Variants in KCNIP4 observed in about 807,000 individuals in gnomAD.
The protein encoded by KCNIP4 is Kv channel-interacting protein 4.
Under a neutral mutation model 34.0 loss-of-function variants are expected in KCNIP4, and 12 were observed. The observed-to-expected ratio is 0.35, with a 90% CI of 0.23 to 0.57. The LOEUF (loss-of-function observed/expected upper bound fraction) is 0.57, where lower values mean the gene tolerates loss of function less well. KCNIP4 is among the 20% of genes least tolerant of loss of function. The probability of loss-of-function intolerance (pLI) is 0.83; values close to 1 mark genes in which losing one functional copy is unlikely to be tolerated. For synonymous variants in KCNIP4, 124 were observed against 102.2 expected (o/e 1.21, Z -1.29); for missense variants, 238 against 311.7 (o/e 0.76, Z 1.78).
At chr4:21,421,407 T>C (rs896427708) in intron 1 of KCNIP4, among the ~76,000 whole-genome samples, 1 of 152,168 alleles carries the variant, frequency 6.6e-6, no homozygotes, top group African/African-American at 2.4e-5. Flanking sequence ...AAAGAAAATG[T>C]GGTATATATA....
At chr4:21,042,782 C>T (rs2149781575) in intron 1 of KCNIP4, among the ~76,000 whole-genome samples, 1 of 152,118 alleles carries the variant, frequency 6.6e-6, no homozygotes, top group South Asian at 2.1e-4. Context: ...CATGTTGTAC[C>T]CCGTAAGTAT....
chr4:21,153,792 A>G (rs1752944141), intron 1 of KCNIP4, among the ~76,000 whole-genome samples: 1 of 152,122 alleles, frequency 6.6e-6, no homozygotes, highest in South Asian at 2.1e-4. Context: ...GCACTCAGTC[A>G]TGTAAACATG....
chr4:20,983,937 G>A (rs1401671667), intron 1 of KCNIP4: 2 of 1,535,972 alleles, frequency 1.3e-6, no homozygotes, highest in Non-Finnish European at 1.7e-6. Context: ...CTCTGAGCTG[G>A]CAGAGCATCC....
chr4:21,712,706 C>T (rs915599333), intron 1 of KCNIP4, among the ~76,000 whole-genome samples: 3 of 152,052 alleles, frequency 2.0e-5, no homozygotes, highest in Non-Finnish European at 4.4e-5. Context: ...ACTCCGGCAC[C>T]TATAGCATAG....
intron 1 of KCNIP4, among the ~76,000 whole-genome samples, chr4:21,377,412 T>C (rs187223968): frequency 6.6e-6 from 1 of 152,338 alleles, no homozygotes; most frequent in African/African-American, 2.4e-5. Context: ...AGACAATTAC[T>C]ACAATGAATC....
chr4:21,427,329 T>A (rs867310786), intron 1 of KCNIP4, among the ~76,000 whole-genome samples: 2 of 150,682 alleles, frequency 1.3e-5, no homozygotes, highest in African/African-American at 4.9e-5. Flanking sequence ...AAAAAAAAAA[T>A]TAAGGCTTTT....
chr4:20,968,322 G>A (rs1345484437), intron 1 of KCNIP4, among the ~76,000 whole-genome samples: 1 of 152,156 alleles, frequency 6.6e-6, no homozygotes, highest in African/African-American at 2.4e-5. Flanking sequence ...CTTTTACACT[G>A]TTGGTGGGAG....
chr4:21,688,879 A>AT (rs1163379332), intron 1 of KCNIP4, among the ~76,000 whole-genome samples: 1 of 151,408 alleles, frequency 6.6e-6, no homozygotes, highest in Non-Finnish European at 1.5e-5. Flanking sequence ...TTTCTTTCTA[A>AT]TTTTTTCAGA....
At chr4:21,737,733 C>G (rs1400146611) in intron 1 of KCNIP4, among the ~76,000 whole-genome samples, 1 of 151,986 alleles carries the variant, frequency 6.6e-6, no homozygotes. Flanking sequence ...TATTTAAATA[C>G]AAATGTTTAA....
At chr4:21,190,513 G>GA (rs1370325166) in intron 1 of KCNIP4, among the ~76,000 whole-genome samples, 2 of 151,406 alleles carry the variant, frequency 1.3e-5, no homozygotes, top group Non-Finnish European at 2.9e-5. Flanking sequence ...GGGTGGGGGG[G>GA]GGCACTGAGG....
At chr4:21,235,259 A>C (rs1759271429) in intron 1 of KCNIP4, among the ~76,000 whole-genome samples, 1 of 152,136 alleles carries the variant, frequency 6.6e-6, no homozygotes, top group African/African-American at 2.4e-5. Context: ...ACTTAGGTTT[A>C]CAGACCCCTG....
chr4:21,635,273 A>G (rs180700998), intron 1 of KCNIP4, among the ~76,000 whole-genome samples: 5 of 152,298 alleles, frequency 3.3e-5, no homozygotes, highest in Non-Finnish European at 7.4e-5. Context: ...AATTCTCGAC[A>G]TTCTGATTAA....
intron 1 of KCNIP4, among the ~76,000 whole-genome samples, chr4:21,332,271 C>T (rs140147448): frequency 9.2e-5 from 14 of 151,800 alleles, no homozygotes; most frequent in East Asian, 3.9e-4. Flanking sequence ...GTATATTATA[C>T]GGAAATTAAC....
chr4:21,008,669 G>C (rs1409017068), intron 1 of KCNIP4, among the ~76,000 whole-genome samples: 1 of 151,506 alleles, frequency 6.6e-6, no homozygotes, highest in Non-Finnish European at 1.5e-5. Context: ...GACTGCAGGC[G>C]CCCGCCACCA....
At chr4:21,320,231 G>C (rs1187561085) in intron 1 of KCNIP4, among the ~76,000 whole-genome samples, 1 of 152,226 alleles carries the variant, frequency 6.6e-6, no homozygotes, top group Non-Finnish European at 1.5e-5. Context: ...GATAAGCAGA[G>C]TTTGGAGGGA....
chr4:21,575,483 T>A (rs1301230472), intron 1 of KCNIP4, among the ~76,000 whole-genome samples: 1 of 131,876 alleles, frequency 7.6e-6, no homozygotes, highest in African/African-American at 3.0e-5. Flanking sequence ...ATACTTCCTA[T>A]TTTTCTCCTT....
intron 1 of KCNIP4, among the ~76,000 whole-genome samples, chr4:21,139,558 T>C (rs1421742605): frequency 6.6e-6 from 1 of 152,188 alleles, no homozygotes. Flanking sequence ...TAGACGATTA[T>C]CTTGCTGTGA....
intron 1 of KCNIP4, among the ~76,000 whole-genome samples, chr4:21,784,444 A>T (rs934508783): frequency 7.9e-5 from 12 of 152,158 alleles, no homozygotes; most frequent in African/African-American, 2.9e-4. Context: ...TTTTTTGATT[A>T]AAAAATCACA....
rs1015036508 is a variant in KCNIP4 at position 21,459,348 on chromosome 4, C to T, written c.61+489223G>A. Among the ~76,000 whole-genome samples, 6 of 152,066 alleles carry T rather than the reference C, an allele frequency of 3.9e-5. 1 individual carries two copies. The highest frequency in any genetic ancestry group is 1.4e-4 in the African/African-American group (6 of 41,408). On this transcript the variant is annotated intron_variant, in intron 1 of 8. Transcript: ENST00000382152. ...TGAATTTGGTTTCCATGACATTAAA[C>T]TGTATTAGTTTTCCTATTTCTTCCC...
Sources: allele counts gnomAD v4.1 joint callset (sites outside exome capture counted in the v4.1 genomes callset), GRCh38; gene constraint gnomAD v4.1.1; transcripts MANE v1.5; gene names NCBI Gene and HGNC (gene_info 2026-07-23, HGNC 2026-07-21).